The following GOLGA8A variants were observed in gnomAD, a reference collection of about 807,000 sequenced individuals.
The protein encoded by GOLGA8A is golgin A8 family member A, also known as golgin subfamily A member 8A.
GOLGA8A carries 3 observed loss-of-function variants against 22.1 expected under a neutral mutation model. That is an observed-to-expected ratio of 0.14 (90% CI 0.06 to 0.35). GOLGA8A has a LOEUF of 0.35. Ranked by LOEUF, GOLGA8A falls within the 10% of genes least tolerant of loss-of-function variation. GOLGA8A has a pLI of 1.00. For missense variants in GOLGA8A, 16 were observed against 233.2 expected, an observed-to-expected ratio of 0.07 and a Z score of 6.07; for synonymous variants, 7 against 91.7, an observed-to-expected ratio of 0.08 and a Z score of 5.28.
rs760780411 is a variant in GOLGA8A, at chr15:34,429,721, A to G, written c.-1123+5662T>C. Among the ~76,000 whole-genome samples the G allele has an allele frequency of 1.8e-3, 270 of 146,558 alleles. 26 individuals carry two copies. Among genetic ancestry groups the G allele is most frequent in the South Asian group, 0.011 (46 of 4,300 alleles). On this transcript the variant is annotated intron_variant, in intron 2 of 24. Coordinates refer to ENST00000359187, the MANE Select transcript of GOLGA8A (RefSeq NM_181077.5). Reference sequence around the variant, plus strand: ...GCTTCTCAGAAAATACCTACTGAGTACACGGCTGGATAGATGGACAGTGCT... The same window carrying G: ...GCTTCTCAGAAAATACCTACTGAGTGCACGGCTGGATAGATGGACAGTGCT...
chr15:34,431,402 TCA>T (rs1458589878), intron 2 of GOLGA8A, among the ~76,000 whole-genome samples: 1 of 142,426 alleles, frequency 7.0e-6, no homozygotes, highest in African/African-American at 2.6e-5. Context: ...TATATATATA[TCA>T]CACACACACT....
intron 2 of GOLGA8A, among the ~76,000 whole-genome samples, chr15:34,434,007 C>G (rs1414717575): frequency 6.7e-6 from 1 of 148,800 alleles, no homozygotes; most frequent in Non-Finnish European, 1.5e-5. Context: ...GGCCTGGAGG[C>G]AAGAGTGGCC....
At chr15:34,430,209 G>C (rs1253205471) in intron 2 of GOLGA8A, among the ~76,000 whole-genome samples, 1 of 149,178 alleles carries the variant, frequency 6.7e-6, no homozygotes, top group East Asian at 2.0e-4. Flanking sequence ...ACAATCAGGA[G>C]TTCTTGGTCT....
At chr15:34,435,125 G>C (rs1207019911) in intron 2 of GOLGA8A, among the ~76,000 whole-genome samples, 2 of 149,400 alleles carry the variant, frequency 1.3e-5, no homozygotes, top group African/African-American at 4.9e-5. Flanking sequence ...AGGTATGCAT[G>C]GCAGAGGACA....
At chr15:34,423,595 G>A (rs1282590710) in intron 2 of GOLGA8A, among the ~76,000 whole-genome samples, 5 of 148,916 alleles carry the variant, frequency 3.4e-5, no homozygotes, top group Non-Finnish European at 6.0e-5. Flanking sequence ...CCTGCAGGGC[G>A]GACACTGCAA....
At chr15:34,428,277 T>A (rs1893071179) in intron 2 of GOLGA8A, among the ~76,000 whole-genome samples, 2 of 147,678 alleles carry the variant, frequency 1.4e-5, no homozygotes, top group Non-Finnish European at 3.0e-5. Context: ...TATTTTTTTG[T>A]AGAGGTGAGG....
chr15:34,435,985 G>A (rs529530428), intron 1 of GOLGA8A, among the ~76,000 whole-genome samples: 1 of 149,346 alleles, frequency 6.7e-6, no homozygotes, highest in Admixed American at 6.8e-5. Context: ...ACCCTCTCCA[G>A]CCCAGGCTGT....
In GOLGA8A at chr15:34,431,859, T is replaced by C. The variant is rs930788273; in HGVS notation, c.-1123+3524A>G. On this transcript the variant is annotated intron_variant, in intron 2 of 24. Transcript: ENST00000359187. ...ACTTTACCACAATGTCACTAGGCAA[T>C]AGGAATTTTTGAGCCCCATGATATT... Among the ~76,000 whole-genome samples, 14 of 149,020 alleles carry C rather than the reference T, an allele frequency of 9.4e-5. 2 individuals carry two copies. The East Asian group carries it at 9.8e-4, about 10-fold the overall frequency.
chr15:34,429,604 T>C (rs1442911026), intron 2 of GOLGA8A, among the ~76,000 whole-genome samples: 2 of 149,184 alleles, frequency 1.3e-5, no homozygotes, highest in African/African-American at 2.5e-5. Context: ...GGGGCTCTGA[T>C]GCCACTGCAC....
At chr15:34,416,287 T>C (rs1400285714) in intron 2 of GOLGA8A, 1 of 149,736 alleles carries the variant, frequency 6.7e-6, no homozygotes, top group Non-Finnish European at 1.5e-5. Context: ...GTTTTATAGA[T>C]GTAATATATT....
intron 2 of GOLGA8A, among the ~76,000 whole-genome samples, chr15:34,434,506 C>T (rs2047271): frequency 0.63 from 91,986 of 146,738 alleles, 33,682 homozygotes; most frequent in East Asian, 0.79. Flanking sequence ...TCAGGAGAGG[C>T]GAGAAACGAC....
intron 2 of GOLGA8A, among the ~76,000 whole-genome samples, chr15:34,425,536 C>T (rs1187437941): frequency 1.4e-5 from 2 of 145,016 alleles, no homozygotes; most frequent in Non-Finnish European, 3.0e-5. Flanking sequence ...TACAGAAACC[C>T]ATTCTCTAAG....
chr15:34,425,422 G>A lies in GOLGA8A; in HGVS notation c.-1123+9961C>T, dbSNP rs150645754. Among the ~76,000 whole-genome samples the A allele has an allele frequency of 2.4e-3, 335 of 138,124 alleles. 4 individuals carry two copies. Among genetic ancestry groups the A allele is most frequent in the Middle Eastern group, 3.6e-3 (1 of 280 alleles). The allele number at this position is 138,124 out of a possible 152,430, so 90.6% of individuals were successfully genotyped here. A position where few individuals can be genotyped will look rare whatever the true frequency, so the allele number is the denominator to read the frequency against. On this transcript the variant is annotated intron_variant, in intron 2 of 24. Coordinates refer to ENST00000359187, the MANE Select transcript of GOLGA8A (RefSeq NM_181077.5). ...AAAAACTACATCCACAAATCACACC[G>A]TATCTAAAATACATTTTAGATCAAA...
chr15:34,430,237 C>A lies in GOLGA8A; in HGVS notation c.-1123+5146G>T, dbSNP rs974981098. On this transcript the variant is annotated intron_variant, in intron 2 of 24. Coordinates refer to ENST00000359187, the MANE Select transcript of GOLGA8A (RefSeq NM_181077.5). ...CTTGGTCTGGAGGGGCTTCTGCTCT[C>A]AAAGCTTCCAACCCAACACAGCACA... Among the ~76,000 whole-genome samples the A allele has an allele frequency of 3.4e-5, 5 of 149,108 alleles. 1 individual carries two copies. The highest frequency in any genetic ancestry group is 1.2e-4 in the African/African-American group (5 of 40,350).
rs1247545995 is a variant in GOLGA8A at position 34,435,822 on chromosome 15, C to CAA, written c.-1211-352_-1211-351insTT. On this transcript the variant is annotated intron_variant, in intron 1 of 24. Transcript: ENST00000359187. Reference sequence around the variant, plus strand: ...GGAGCCCACTCCAAGGGCCCCCCTGCCAGTACTGCTAGAGCCCACCGAGGG... The same window carrying CAA: ...GGAGCCCACTCCAAGGGCCCCCCTGCAACAGTACTGCTAGAGCCCACCGAGGG... Among the ~76,000 whole-genome samples, 295 of 149,248 alleles carry CAA rather than the reference C, an allele frequency of 2.0e-3. 16 individuals carry two copies. Among genetic ancestry groups the CAA allele is most frequent in the African/African-American group, 6.0e-3 (243 of 40,512 alleles).
Position 34,380,195 on chromosome 15 carries a change from CTA to C in GOLGA8A, c.*1214_*1215del, listed in dbSNP as rs1174000040. 1.3e-5 allele frequency: 2 copies of C among 152,140 alleles called. No homozygotes were observed. The highest frequency in any genetic ancestry group is 2.9e-5 in the Non-Finnish European group (2 of 68,022). The allele number at this position is 152,140 out of a possible 1,614,324, so 9.4% of individuals were successfully genotyped here. On this transcript the variant is annotated 3_prime_UTR_variant, in exon 25 of 25. Coordinates refer to ENST00000359187, the MANE Select transcript of GOLGA8A (RefSeq NM_181077.5). Reference sequence around the variant, plus strand: ...CCACTCAAGGAAAAGAAGTAAATTCCTATGTCAGAGTAACCGAGGTGGTTGAA... The same window carrying C: ...CCACTCAAGGAAAAGAAGTAAATTCCTGTCAGAGTAACCGAGGTGGTTGAA...
At position 34,379,212 on chromosome 15, in the gene GOLGA8A, A is replaced by C. The variant is rs189354307; in HGVS notation, c.*2199T>G. 45 of 152,756 alleles carry C rather than the reference A, an allele frequency of 2.9e-4. No homozygotes were observed. The highest frequency in any genetic ancestry group is 2.4e-4 in the Non-Finnish European group (16 of 68,030). The allele number at this position is 152,756 out of a possible 1,614,324, so 9.5% of individuals were successfully genotyped here. ...CATTGGTAAAATTCATTCTAAGAAA[A>C]CTTGGCAAATAACGCTTTGGCCTGG... On this transcript the variant is annotated 3_prime_UTR_variant, in exon 25 of 25. Coordinates refer to ENST00000359187, the MANE Select transcript of GOLGA8A (RefSeq NM_181077.5).
In GOLGA8A at chr15:34,436,150, T is replaced by C. The variant is rs551771797; in HGVS notation, c.-1211-679A>G. On this transcript the variant is annotated intron_variant, in intron 1 of 24. Transcript: ENST00000359187. Reference sequence around the variant, plus strand: ...CTGCCTCACCTCACTGGAGGGACCCTGACCCAGAGGCCTGAGAAAAAGCCA... The same window carrying C: ...CTGCCTCACCTCACTGGAGGGACCCCGACCCAGAGGCCTGAGAAAAAGCCA... Among the ~76,000 whole-genome samples the C allele has an allele frequency of 9.4e-5, 14 of 149,218 alleles. No homozygotes were observed. In the South Asian group the frequency reaches 2.8e-3, roughly 30 times the overall value.
rs2339435 is a variant in GOLGA8A, at chr15:34,421,463, T to C, written c.-1122-13728A>G. Among the ~76,000 whole-genome samples, 107 of 137,110 alleles carry C rather than the reference T, an allele frequency of 7.8e-4. 14 individuals carry two copies. Among genetic ancestry groups the C allele is most frequent in the Admixed American group, 9.9e-4 (13 of 13,094 alleles). 89.9% of individuals were successfully genotyped at this position (137,110 alleles called of 152,430 possible). A position where few individuals can be genotyped will look rare whatever the true frequency, so the allele number is the denominator to read the frequency against. ...AAATCAAAGAGCCATTCCTCAGTGA[T>C]ACCCAGGAAATGACGCACACGGGCT... On this transcript the variant is annotated intron_variant, in intron 2 of 24. Transcript: ENST00000359187.
Sources: allele counts gnomAD v4.1 joint callset (sites outside exome capture counted in the v4.1 genomes callset), GRCh38; gene constraint gnomAD v4.1.1; transcripts MANE v1.5; gene names NCBI Gene and HGNC (gene_info 2026-07-23, HGNC 2026-07-21).